Variants in ATG7 observed in about 807,000 individuals in gnomAD.
ATG7 encodes the protein ubiquitin-like modifier-activating enzyme ATG7.
In ATG7, 70 loss-of-function variants were observed where a neutral mutation model predicts 82.4. The observed-to-expected ratio is 0.85, with a 90% CI of 0.70 to 1.04. ATG7 has a LOEUF of 1.04. Ranked by LOEUF, ATG7 falls within the 50% of genes least tolerant of loss-of-function variation. The pLI is 0.00. For missense variants in ATG7, 792 were observed against 864.3 expected (o/e 0.92, Z 1.05); for synonymous variants, 287 against 313.0 (o/e 0.92, Z 0.88).
chr3:11,416,218 T>C (rs761720222), intron 19 of ATG7, among the ~76,000 whole-genome samples: 28 of 152,244 alleles, frequency 1.8e-4, no homozygotes, highest in Non-Finnish European at 3.8e-4. Flanking sequence ...GCTGGCCTTA[T>C]AGAATGAATT....
intron 19 of ATG7, among the ~76,000 whole-genome samples, chr3:11,394,419 C>G (rs114322128): frequency 1.3e-3 from 195 of 152,282 alleles, no homozygotes; most frequent in African/African-American, 4.5e-3. Context: ...TAAGGAGATT[C>G]TGAGTTGAGC....
At chr3:11,574,779 C>CTG in the ATG7 span, among the ~76,000 whole-genome samples, 1 of 121,868 alleles carries the variant, frequency 8.2e-6, no homozygotes, top group African/African-American at 3.1e-5. Flanking sequence ...GTCAATTCAA[C>CTG]TATATATGTG....
chr3:11,444,517 G>C (rs979372450), intron 20 of ATG7, among the ~76,000 whole-genome samples: 3 of 152,136 alleles, frequency 2.0e-5, no homozygotes, highest in African/African-American at 7.2e-5. Flanking sequence ...AAGGCATACT[G>C]TAAGTTATTT....
chr3:11,446,104 A>C (rs1177887981), intron 20 of ATG7, among the ~76,000 whole-genome samples: 1 of 151,508 alleles, frequency 6.6e-6, no homozygotes, highest in Non-Finnish European at 1.5e-5. Flanking sequence ...TCAGAGTCCC[A>C]CACCTCTGGC....
At chr3:11,333,748 C>CTTTT (rs770412107) in intron 11 of ATG7, among the ~76,000 whole-genome samples, 4 of 138,224 alleles carry the variant, frequency 2.9e-5, no homozygotes, top group Admixed American at 1.5e-4. Flanking sequence ...GGATATATTT[C>CTTTT]TTTTTTTTTT....
chr3:11,504,415 AAGTAAG>A (rs2091565369), intron 20 of ATG7, among the ~76,000 whole-genome samples: 1 of 152,226 alleles, frequency 6.6e-6, no homozygotes, highest in African/African-American at 2.4e-5. Context: ...AACTCCAGAA[AAGTAAG>A]AGTAACCAAG....
intron 11 of ATG7, among the ~76,000 whole-genome samples, chr3:11,340,311 CT>C (rs747188142): frequency 4.0e-4 from 58 of 144,678 alleles, no homozygotes; most frequent in African/African-American, 4.3e-4. Context: ...AAAAGATTGT[CT>C]TTTTTTTTTT....
intron 20 of ATG7, among the ~76,000 whole-genome samples, chr3:11,512,674 G>A (rs1024493183): frequency 1.3e-5 from 2 of 152,178 alleles, no homozygotes; most frequent in Non-Finnish European, 2.9e-5. Flanking sequence ...CACGGTGAGT[G>A]TTACAGCTCA....
downstream of ATG7, chr3:11,558,902 C>A: frequency 6.5e-7 from 1 of 1,539,096 alleles, no homozygotes; most frequent in South Asian, 1.2e-5. Context: ...AGCACCCTCC[C>A]TCAGGCAGCC....
intron 20 of ATG7, among the ~76,000 whole-genome samples, chr3:11,512,963 A>C (rs547312468): frequency 6.6e-6 from 1 of 152,166 alleles, no homozygotes; most frequent in African/African-American, 2.4e-5. Context: ...AGCTAGATAC[A>C]GAGTGTGGAC....
chr3:11,302,571 A>G (rs1946958670), intron 5 of ATG7, among the ~76,000 whole-genome samples: 1 of 152,214 alleles, frequency 6.6e-6, no homozygotes, highest in African/African-American at 2.4e-5. Flanking sequence ...TATGAGAGAG[A>G]GAAGTAGAAG....
intron 20 of ATG7, among the ~76,000 whole-genome samples, chr3:11,434,674 T>C (rs1307621982): frequency 6.6e-6 from 1 of 152,240 alleles, no homozygotes. Flanking sequence ...GAATTTGAGA[T>C]GTTTGGATAA....
chr3:11,507,973 A>AAAAAC (rs1235326216), intron 20 of ATG7, among the ~76,000 whole-genome samples: 17 of 152,188 alleles, frequency 1.1e-4, no homozygotes, highest in African/African-American at 3.9e-4. Flanking sequence ...CAAAAAAACA[A>AAAAAC]AAAACAAAAC....
chr3:11,426,926 GGT>G lies in ATG7; in HGVS notation c.2079+1_2079+2del. 6.3e-7 allele frequency: 1 copy of G among 1,591,888 alleles called. No homozygotes were observed. The highest frequency in any genetic ancestry group is 8.5e-7 in the Non-Finnish European group (1 of 1,172,450). Reference sequence around the variant, plus strand: ...TGCATCAAGAAACCCAAGCTGCTGAGGTAAGAACAAAACAAGCTTTCTGTAGT... The same window carrying G: ...TGCATCAAGAAACCCAAGCTGCTGAGAAGAACAAAACAAGCTTTCTGTAGT... On this transcript the variant is annotated splice_donor_variant, in intron 20 of 20. Transcript: ENST00000693202. LOFTEE classifies it high-confidence loss of function.
At chr3:11,499,304 T>C (rs2091133802) in intron 20 of ATG7, among the ~76,000 whole-genome samples, 1 of 152,162 alleles carries the variant, frequency 6.6e-6, no homozygotes, top group Non-Finnish European at 1.5e-5. Context: ...CTTGCTCTTA[T>C]GAAACGACTG....
intron 19 of ATG7, among the ~76,000 whole-genome samples, chr3:11,417,805 A>ATTATTTTTTTTTTTTTTTTTTTTTTTTT (rs1559578331): frequency 9.5e-5 from 5 of 52,742 alleles, no homozygotes; most frequent in Admixed American, 1.8e-4. Flanking sequence ...TTATTATTTT[A>ATTATTTTTTTTTTTTTTTTTTTTTTTTT]TTTTATTTTA....
rs147437324 is a variant in ATG7, at chr3:11,522,773, C to T, written c.2080-32038C>T. 3.8e-3 allele frequency among the ~76,000 whole-genome samples: 577 copies of T among 152,268 alleles called. 4 individuals carry two copies. The highest frequency in any genetic ancestry group is 0.015 in the South Asian group (71 of 4,820). ...TCAAAATCGCCTGTCAAATGCCCAC[C>T]CCAGGCCTAGACTGCTCTGAGCTTG... is the stretch of plus-strand genomic sequence containing the variant. On this transcript the variant is annotated intron_variant, in intron 20 of 20. Transcript: ENST00000693202.
chr3:11,514,840 GT>G (rs751529129), intron 20 of ATG7, among the ~76,000 whole-genome samples: 1,607 of 139,842 alleles, frequency 0.011, 19 homozygotes, highest in African/African-American at 0.037. Context: ...TCTGGTCTAG[GT>G]TTTTTTTTTT....
chr3:11,354,606 G>A (rs1179518075), intron 14 of ATG7, among the ~76,000 whole-genome samples: 4 of 127,952 alleles, frequency 3.1e-5, no homozygotes, highest in Non-Finnish European at 4.6e-5. Context: ...CCGAGATCAC[G>A]CCACTGCACT....
Sources: gnomAD v4.1 joint callset for allele counts (sites outside exome capture counted in the v4.1 genomes callset) on GRCh38, gnomAD v4.1.1 for gene constraint, MANE v1.5 for transcripts, NCBI Gene and HGNC (gene_info 2026-07-23, HGNC 2026-07-21) for gene names.